Variants in TRPM2 observed in about 807,000 individuals in gnomAD.
TRPM2 encodes the protein transient receptor potential cation channel subfamily M member 2.
In TRPM2, 161 loss-of-function variants were observed where a neutral mutation model predicts 174.0. That is an observed-to-expected ratio of 0.93 (90% CI 0.81 to 1.05). The LOEUF is 1.05. Ranked by LOEUF, TRPM2 falls within the 50% of genes least tolerant of loss-of-function variation. TRPM2 has a pLI of 0.00. For synonymous variants in TRPM2, 954 were observed against 861.3 expected, an observed-to-expected ratio of 1.11 and a Z score of -1.88; for missense variants, 2,057 against 2,038.0, an observed-to-expected ratio of 1.01 and a Z score of -0.18.
intron 2 of TRPM2, among the ~76,000 whole-genome samples, chr21:44,357,868 C>G (rs1295000678): frequency 6.6e-6 from 1 of 152,190 alleles, no homozygotes; most frequent in African/African-American, 2.4e-5. Flanking sequence ...ACAGAAGCCG[C>G]TCTCATCTCA....
At position 44,376,032 on chromosome 21, in the gene TRPM2, G is replaced by A. The variant is rs756424634; in HGVS notation, c.952+19G>A. On this transcript the variant is annotated intron_variant, in intron 6 of 31. Transcript: ENST00000397928. The surrounding 1 kb of genome is among the most constrained non-coding windows in gnomAD (Gnocchi z 4.2). ...AGAGGAGGTAGGGGAGCTTGCTTTC[G>A]AGGGTGATTGGGCAGAGAGCACAGT... 11 of 1,608,218 alleles carry A rather than the reference G, an allele frequency of 6.8e-6. No individual in the cohort carries two copies. Among genetic ancestry groups the A allele is most frequent in the African/African-American group, 6.7e-5 (5 of 74,858 alleles).
Position 44,395,475 on chromosome 21 carries a change from T to G in TRPM2, c.1856T>G (p.Met619Arg), listed in dbSNP as rs2049319115. Residue 619 changes from methionine (M) to arginine (R), a missense_variant, in exon 12 of 32, where the codon ATG (methionine) becomes AGG (arginine). Met to Arg is a moderately conservative substitution (Grantham distance 91). Coordinates refer to ENST00000397928, the MANE Select transcript of TRPM2 (RefSeq NM_003307.4). Reference sequence around the variant, plus strand: ...TCCTCAGGCCATGTGACCTTCACCATGGACCCCATCCGTGACCTTCTCATT... The same window carrying G: ...TCCTCAGGCCATGTGACCTTCACCAGGGACCCCATCCGTGACCTTCTCATT... ...KRSSGHVTFT[M>R]DPIRDLLIWA... The G allele has an allele frequency of 6.2e-7, 1 of 1,612,932 alleles. No individual in the cohort carries two copies. Among genetic ancestry groups the G allele is most frequent in the African/African-American group, 1.3e-5 (1 of 74,918 alleles).
intron 9 of TRPM2, among the ~76,000 whole-genome samples, chr21:44,387,701 T>TA (rs906374070): frequency 5.1e-4 from 74 of 145,720 alleles, no homozygotes; most frequent in Middle Eastern, 3.5e-3. Flanking sequence ...AACTCAACAA[T>TA]AAAAAAAAAA....
intron 16 of TRPM2, among the ~76,000 whole-genome samples, chr21:44,404,001 TACAC>T (rs1401125496): frequency 1.3e-5 from 2 of 149,490 alleles, no homozygotes; most frequent in African/African-American, 2.5e-5. Flanking sequence ...CACATACACA[TACAC>T]ACATGCACAT....
At chr21:44,393,757 ATT>A (rs199858477) in intron 11 of TRPM2, among the ~76,000 whole-genome samples, 302 of 134,680 alleles carry the variant, frequency 2.2e-3, no homozygotes, top group African/African-American at 7.4e-3. Flanking sequence ...CTAAGATCAC[ATT>A]TTTTTTTTTT....
chr21:44,368,994 C>A (rs538012370), intron 4 of TRPM2, 183 bp from the exon 5 acceptor site: 2 of 576,182 alleles, frequency 3.5e-6, no homozygotes. Context: ...GTTCCCACCC[C>A]ACCTGAGCGC....
intron 6 of TRPM2, 23 bp from the exon 7 acceptor site, chr21:44,377,689 A>C (rs572878984): frequency 6.2e-7 from 1 of 1,613,568 alleles, no homozygotes. Context: ...TGTGGCCCTC[A>C]CTCGGCTGTG....
intron 16 of TRPM2, among the ~76,000 whole-genome samples, chr21:44,403,861 CAAAT>C (rs1186593690): frequency 6.6e-6 from 1 of 151,236 alleles, no homozygotes; most frequent in Non-Finnish European, 1.5e-5. Flanking sequence ...TGCATACACA[CAAAT>C]ATACACATAC....
At chr21:44,379,540 C>T (rs1487281104) in intron 8 of TRPM2, among the ~76,000 whole-genome samples, 2 of 152,240 alleles carry the variant, frequency 1.3e-5, no homozygotes. Context: ...AGTCGGGCAG[C>T]AGGGCAGCTG....
intron 8 of TRPM2, 85 bp from the exon 9 acceptor site, chr21:44,382,633 G>T (rs2048914737): frequency 3.0e-6 from 4 of 1,340,302 alleles, no homozygotes; most frequent in Admixed American, 3.9e-5. Flanking sequence ...CTCTGGCTGT[G>T]TCCGGGGCCT....
At chr21:44,371,277 C>T (rs1182705618) in intron 5 of TRPM2, among the ~76,000 whole-genome samples, 1 of 144,338 alleles carries the variant, frequency 6.9e-6, no homozygotes, top group Non-Finnish European at 1.5e-5. Context: ...GGCCGCCTCC[C>T]TCCAGTGTCT....
intron 9 of TRPM2, among the ~76,000 whole-genome samples, chr21:44,387,760 A>C (rs545015345): frequency 6.6e-6 from 1 of 152,360 alleles, no homozygotes; most frequent in Non-Finnish European, 1.5e-5. Flanking sequence ...TCTTTAAAGA[A>C]GTCGTACAAA....
rs762125423 is a variant in TRPM2 at position 44,425,868 on chromosome 21, C to A, written c.3795+41C>A. The stretch of plus-strand genomic sequence containing the variant: ...AGCCCAACCAGGCGGAGTGGCCGGG[C>A]CCCTGGGGAGGGGAGGGCGGCCCTG... On this transcript the variant is annotated intron_variant, in intron 25 of 31. Transcript: ENST00000397928. 4.0e-6 allele frequency: 6 copies of A among 1,494,776 alleles called. 1 individual carries two copies. In the African/African-American group the frequency reaches 5.6e-5, roughly 14 times the overall value. 92.6% of individuals were successfully genotyped at this position (1,494,776 alleles called of 1,614,324 possible).
chr21:44,404,057 A>G (rs1030811929), intron 16 of TRPM2, among the ~76,000 whole-genome samples: 1 of 152,166 alleles, frequency 6.6e-6, no homozygotes, highest in African/African-American at 2.4e-5. Flanking sequence ...ACACATATAC[A>G]TACATATGCA....
At position 44,364,152 on chromosome 21, in the gene TRPM2, A is replaced by G; in HGVS notation, c.293A>G (p.His98Arg). Reference sequence around the variant, plus strand: ...CAGTGTGGCTACACGCATGAGCAGCACTTGGAGGAGGCTACCAAGCCCCAC... The same window carrying G: ...CAGTGTGGCTACACGCATGAGCAGCGCTTGGAGGAGGCTACCAAGCCCCAC... ...VCQCGYTHEQ[H>R]LEEATKPHTF... The change falls in exon 3 of 32, where the codon CAC becomes CGC. Residue 98 changes from histidine (H) to arginine (R), a missense_variant. His to Arg is a conservative substitution (Grantham distance 29). Transcript: ENST00000397928. 1 of 1,614,158 alleles carries G rather than the reference A, an allele frequency of 6.2e-7. No individual in the cohort carries two copies. Among genetic ancestry groups the G allele is most frequent in the African/African-American group, 1.3e-5 (1 of 75,060 alleles).
chr21:44,398,439 G>T (rs993325177), intron 13 of TRPM2, among the ~76,000 whole-genome samples: 57 of 152,104 alleles, frequency 3.7e-4, no homozygotes, highest in African/African-American at 1.3e-3. Flanking sequence ...AACCTCAGAT[G>T]ATCCGCCCAC....
In TRPM2 at chr21:44,380,388, C is replaced by T. The variant is rs557376193; in HGVS notation, c.1215+1191C>T. On this transcript the variant is annotated intron_variant, in intron 8 of 31. Transcript: ENST00000397928. ...TGTCAGGGCGGCTTTCCTTCCTTCC[C>T]GGTGCCATTGGGACTTGTCGGGCGG... Among the ~76,000 whole-genome samples, 7 of 152,322 alleles carry T rather than the reference C, an allele frequency of 4.6e-5. No individual in the cohort carries two copies. The South Asian group carries it at 1.5e-3, about 32-fold the overall frequency.
intron 18 of TRPM2, among the ~76,000 whole-genome samples, chr21:44,406,290 C>G (rs935787129): frequency 6.6e-6 from 1 of 152,112 alleles, no homozygotes; most frequent in African/African-American, 2.4e-5. Context: ...GCTCTAGGAG[C>G]TTTCCTCCTT....
rs1386184626 is a variant in TRPM2 at position 44,411,699 on chromosome 21, T to G, written c.2963-2192T>G. The stretch of plus-strand genomic sequence containing the variant: ...GTCCACTGATCTTAGGGAACAAGCC[T>G]TTCACCATTAAGTGTGATGTTAGCT... On this transcript the variant is annotated intron_variant, in intron 19 of 31. Coordinates refer to ENST00000397928, the MANE Select transcript of TRPM2 (RefSeq NM_003307.4). Among the ~76,000 whole-genome samples, 4 of 152,320 alleles carry G rather than the reference T, an allele frequency of 2.6e-5. No individual in the cohort carries two copies. In the South Asian group the frequency reaches 6.2e-4, roughly 24 times the overall value.
Sources: gnomAD v4.1 joint callset for allele counts (sites outside exome capture counted in the v4.1 genomes callset) on GRCh38, gnomAD v4.1.1 for gene constraint, Gnocchi (gnomAD v3.1) non-coding constraint, MANE v1.5 for transcripts, NCBI Gene and HGNC (gene_info 2026-07-23, HGNC 2026-07-21) for gene names.